The following ARIH1 variants were observed in gnomAD, a reference collection of about 807,000 sequenced individuals.
ARIH1 encodes E3 ubiquitin-protein ligase ARIH1.
In ARIH1, 8 loss-of-function variants were observed where a neutral mutation model predicts 85.0. The ratio of observed to expected loss-of-function variants is 0.09; its 90% CI spans 0.06 to 0.17. The LOEUF (loss-of-function observed/expected upper bound fraction) is 0.17, where lower values mean the gene tolerates loss of function less well. Among genes scored for constraint, ARIH1 ranks in the 10% least tolerant of loss-of-function variants. The pLI is 1.00. For synonymous variants in ARIH1, 238 were observed against 253.6 expected (o/e 0.94, Z 0.59); for missense variants, 311 against 718.1 (o/e 0.43, Z 6.48).
chr15:72,532,691 A>T (rs1262595643), intron 2 of ARIH1, among the ~76,000 whole-genome samples: 1 of 152,226 alleles, frequency 6.6e-6, no homozygotes, highest in African/African-American at 2.4e-5. Context: ...AACAACAGAA[A>T]CACCTCAGAA....
chr15:72,491,220 G>A (rs1013716698), intron 1 of ARIH1, among the ~76,000 whole-genome samples: 7 of 152,038 alleles, frequency 4.6e-5, no homozygotes, highest in African/African-American at 7.3e-5. Context: ...ATGCTTATTC[G>A]TATTATAGCA....
chr15:72,516,950 C>T (rs927636325), intron 1 of ARIH1, among the ~76,000 whole-genome samples: 2 of 152,120 alleles, frequency 1.3e-5, no homozygotes, highest in African/African-American at 4.8e-5. Context: ...TTGTAACTAG[C>T]TCTTGTATCT....
At chr15:72,482,214 G>A (rs1418567625) in intron 1 of ARIH1, among the ~76,000 whole-genome samples, 1 of 152,158 alleles carries the variant, frequency 6.6e-6, no homozygotes, top group Non-Finnish European at 1.5e-5. Context: ...TCCAGTCCTA[G>A]ATTTTTTTAA....
intron 7 of ARIH1, among the ~76,000 whole-genome samples, chr15:72,565,153 T>C (rs4776603): frequency 0.77 from 117,573 of 152,198 alleles, 51,627 homozygotes; most frequent in Non-Finnish European, 0.96. Context: ...CCTTTGCTTC[T>C]CAGGTTCAAG....
chr15:72,493,463 G>A (rs1187337677), intron 1 of ARIH1, among the ~76,000 whole-genome samples: 2 of 152,120 alleles, frequency 1.3e-5, no homozygotes, highest in Non-Finnish European at 2.9e-5. Context: ...TAAATATCAG[G>A]CAGATCTGTT....
chr15:72,474,657 C>T lies in ARIH1; in HGVS notation c.18C>T (p.Gly6=). 6.5e-7 allele frequency: 1 copy of T among 1,548,172 alleles called. No individual in the cohort carries two copies. The change falls in exon 1 of 14, where the codon GGC becomes GGT. Residue 6 remains glycine, a synonymous_variant. Coordinates refer to ENST00000379887, the MANE Select transcript of ARIH1 (RefSeq NM_005744.5). MDSDE[G]YNYEFDEDEE... ...GTCGCGCCATGGACTCGGACGAGGG[C>T]TACAACTACGAGTTCGACGAGGACG...
chr15:72,528,634 G>T (rs917300332), intron 2 of ARIH1, among the ~76,000 whole-genome samples: 1 of 152,026 alleles, frequency 6.6e-6, no homozygotes, highest in Non-Finnish European at 1.5e-5. Flanking sequence ...CAGGAAGATC[G>T]CTTGAGCGTA....
chr15:72,566,551 G>C lies in ARIH1; in HGVS notation c.912-12G>C, dbSNP rs939763556. The C allele has an allele frequency of 1.2e-6, 2 of 1,609,842 alleles. No homozygotes were observed. The highest frequency in any genetic ancestry group is 2.7e-5 in the African/African-American group (2 of 74,752). ...GGCCTTAATTCTATTAACTCTTTGT[G>C]TCACTTAACAGCTTTAACTGTGGAG... On this transcript the variant is annotated splice_polypyrimidine_tract_variant and intron_variant, in intron 7 of 13. Coordinates refer to ENST00000379887, the MANE Select transcript of ARIH1 (RefSeq NM_005744.5).
At chr15:72,552,617 C>CA (rs915437218) in intron 3 of ARIH1, among the ~76,000 whole-genome samples, 58 of 149,620 alleles carry the variant, frequency 3.9e-4, no homozygotes, top group Admixed American at 1.1e-3. Context: ...ACAACAACAA[C>CA]AAAAAAAAAC....
intron 1 of ARIH1, among the ~76,000 whole-genome samples, chr15:72,485,652 A>G (rs1321055288): frequency 6.6e-6 from 1 of 151,402 alleles, no homozygotes; most frequent in African/African-American, 2.4e-5. Flanking sequence ...TGAAGGAAAA[A>G]TTTTTCTTCC....
rs944334933 is a variant in ARIH1, at chr15:72,589,626, G to A, written c.*6334G>A. ...GGGCAGGATCATCAATACAAACATG[G>A]GTGTTGAGAGCTTAACTTAATCGGG... On this transcript the variant is annotated 3_prime_UTR_variant, in exon 14 of 14. Coordinates refer to ENST00000379887, the MANE Select transcript of ARIH1 (RefSeq NM_005744.5). 2.0e-5 allele frequency: 3 copies of A among 152,246 alleles called. No individual in the cohort carries two copies. In the East Asian group the frequency reaches 5.8e-4, roughly 29 times the overall value. The allele number at this position is 152,246 out of a possible 1,614,324, so 9.4% of individuals were successfully genotyped here.
At position 72,599,686 on chromosome 15, in the gene ARIH1, C is replaced by T. The variant is rs909640934; in HGVS notation, c.*16394C>T. The T allele has an allele frequency of 6.6e-6, 1 of 152,058 alleles. No individual in the cohort carries two copies. 9.4% of individuals were successfully genotyped at this position (152,058 alleles called of 1,614,324 possible). A position where few individuals can be genotyped will look rare whatever the true frequency, so the allele number is the denominator to read the frequency against. The stretch of plus-strand genomic sequence containing the variant: ...ATGGAAGCATACTATATTTTCTACA[C>T]TTTATTTGTTTTATGTAACTATTTT... On this transcript the variant is annotated 3_prime_UTR_variant, in exon 14 of 14. Coordinates refer to ENST00000379887, the MANE Select transcript of ARIH1 (RefSeq NM_005744.5).
rs1057058711 is a variant in ARIH1 at position 72,584,970 on chromosome 15, T to C, written c.*1678T>C. On this transcript the variant is annotated 3_prime_UTR_variant, in exon 14 of 14. Coordinates refer to ENST00000379887, the MANE Select transcript of ARIH1 (RefSeq NM_005744.5). ...GAGGACCTCTTCGTCTTCCTTTAAATGTCTTTTGCCTAGGGAGTGTTTACC... is the reference window on the plus strand; with the variant it reads ...GAGGACCTCTTCGTCTTCCTTTAAACGTCTTTTGCCTAGGGAGTGTTTACC... 7.9e-5 allele frequency: 12 copies of C among 151,702 alleles called. No homozygotes were observed. Among genetic ancestry groups the C allele is most frequent in the Non-Finnish European group, 1.3e-4 (9 of 67,958 alleles). 9.4% of individuals were successfully genotyped at this position (151,702 alleles called of 1,614,324 possible).
chr15:72,563,652 T>C (rs1567357278), intron 7 of ARIH1, 152 bp downstream of exon 7: 1 of 651,436 alleles, frequency 1.5e-6, no homozygotes, highest in Non-Finnish European at 2.5e-6. Context: ...TCTTTCAGAA[T>C]TGAATGAAAA....
chr15:72,549,179 G>T (rs1212267709), intron 3 of ARIH1, among the ~76,000 whole-genome samples: 1 of 147,496 alleles, frequency 6.8e-6, no homozygotes, highest in Non-Finnish European at 1.5e-5. Flanking sequence ...CCTCCACCCC[G>T]CAGTTTCAAG....
At chr15:72,533,577 C>T (rs1377900745) in intron 2 of ARIH1, among the ~76,000 whole-genome samples, 1 of 152,000 alleles carries the variant, frequency 6.6e-6, no homozygotes. Flanking sequence ...CCAATAATTC[C>T]GCTCTCAGGT....
Position 72,510,717 on chromosome 15 carries a change from A to G in ARIH1, c.376-7350A>G, listed in dbSNP as rs559202781. ...ACGCCACTGCACTCCAGCCTGGGCA[A>G]CAGAGCAAGACTCTGACTCAAAAAA... On this transcript the variant is annotated intron_variant, in intron 1 of 13. Coordinates refer to ENST00000379887, the MANE Select transcript of ARIH1 (RefSeq NM_005744.5). Among the ~76,000 whole-genome samples the G allele has an allele frequency of 9.7e-4, 125 of 128,510 alleles. 1 individual carries two copies. Among genetic ancestry groups the G allele is most frequent in the Non-Finnish European group, 7.6e-4 (48 of 63,068 alleles). 84.3% of individuals were successfully genotyped at this position (128,510 alleles called of 152,430 possible).
chr15:72,570,642 G>A (rs752625056), intron 10 of ARIH1, among the ~76,000 whole-genome samples: 22 of 152,156 alleles, frequency 1.4e-4, no homozygotes, highest in Non-Finnish European at 2.9e-4. Context: ...ATTATCAAAT[G>A]TGCCTCTCTA....
intron 1 of ARIH1, among the ~76,000 whole-genome samples, chr15:72,507,469 C>T (rs1258252931): frequency 6.6e-6 from 1 of 152,036 alleles, no homozygotes; most frequent in Non-Finnish European, 1.5e-5. Context: ...GCCCAGGTGT[C>T]CCCCTCAGTC....
Sources: gnomAD v4.1 joint callset for allele counts (sites outside exome capture counted in the v4.1 genomes callset) on GRCh38, gnomAD v4.1.1 for gene constraint, MANE v1.5 for transcripts, NCBI Gene and HGNC (gene_info 2026-07-23, HGNC 2026-07-21) for gene names.